DLGAP1: variants seen among roughly 807,000 people sequenced by gnomAD.
DLGAP1 encodes the protein disks large-associated protein 1.
In DLGAP1, 11 loss-of-function variants were observed where a neutral mutation model predicts 90.8. The ratio of observed to expected loss-of-function variants is 0.12; its 90% CI spans 0.08 to 0.20. The LOEUF (loss-of-function observed/expected upper bound fraction) is 0.20. Among genes scored for constraint, DLGAP1 ranks in the 10% least tolerant of loss-of-function variants. The probability of loss-of-function intolerance (pLI) is 1.00; values close to 1 mark genes in which losing one functional copy is unlikely to be tolerated. For missense variants in DLGAP1, 1,050 were observed against 1,333.8 expected, an observed-to-expected ratio of 0.79 and a Z score of 3.31; for synonymous variants, 558 against 540.7, an observed-to-expected ratio of 1.03 and a Z score of -0.44.
chr18:3,557,510 A>G (rs576258106), intron 9 of DLGAP1, among the ~76,000 whole-genome samples: 1 of 152,054 alleles, frequency 6.6e-6, no homozygotes, highest in South Asian at 2.1e-4. Flanking sequence ...TGACAGAGTG[A>G]GATTTCGTCT....
intron 1 of DLGAP1, among the ~76,000 whole-genome samples, chr18:4,449,297 G>T (rs564614274): frequency 5.9e-5 from 9 of 152,282 alleles, no homozygotes; most frequent in Middle Eastern, 3.4e-3. Context: ...AATCCTTATT[G>T]TATTTCAAAA....
chr18:3,659,203 G>A (rs1022849005), intron 7 of DLGAP1, among the ~76,000 whole-genome samples: 3 of 152,058 alleles, frequency 2.0e-5, no homozygotes, highest in Non-Finnish European at 4.4e-5. Flanking sequence ...TGTACAACGA[G>A]TGGGAAAGAT....
At chr18:3,739,543 G>A (rs867276966) in intron 6 of DLGAP1, among the ~76,000 whole-genome samples, 17 of 144,278 alleles carry the variant, frequency 1.2e-4, no homozygotes, top group African/African-American at 3.4e-4. Flanking sequence ...ACCAAACACC[G>A]CATATTCTCA....
intron 1 of DLGAP1, among the ~76,000 whole-genome samples, chr18:4,369,711 G>A (rs2081870459): frequency 6.6e-6 from 1 of 150,532 alleles, no homozygotes; most frequent in African/African-American, 2.4e-5. Flanking sequence ...GGGAATGAGA[G>A]TGTGTGAATG....
At chr18:3,637,578 A>G (rs1351979056) in intron 7 of DLGAP1, among the ~76,000 whole-genome samples, 26 of 130,624 alleles carry the variant, frequency 2.0e-4, no homozygotes, top group African/African-American at 1.0e-3. Flanking sequence ...CCCCACCAAA[A>G]AAAAAAAAAA....
chr18:3,837,665 A>C (rs1340261818), intron 4 of DLGAP1, among the ~76,000 whole-genome samples: 1 of 152,038 alleles, frequency 6.6e-6, no homozygotes, highest in Non-Finnish European at 1.5e-5. Flanking sequence ...CCTGGGCAAC[A>C]TGGTGAAACC....
At chr18:3,657,813 C>T (rs1445990220) in intron 7 of DLGAP1, among the ~76,000 whole-genome samples, 2 of 151,592 alleles carry the variant, frequency 1.3e-5, no homozygotes, top group Non-Finnish European at 2.9e-5. Flanking sequence ...ACCGTGTTAG[C>T]CAGGATGGTC....
chr18:4,436,559 A>C (rs1158117114), intron 1 of DLGAP1, among the ~76,000 whole-genome samples: 1 of 151,868 alleles, frequency 6.6e-6, no homozygotes, highest in East Asian at 1.9e-4. Flanking sequence ...TGCTTTATAA[A>C]CACATTCATG....
intron 1 of DLGAP1, among the ~76,000 whole-genome samples, chr18:4,385,212 C>T (rs2082205785): frequency 6.6e-6 from 1 of 152,144 alleles, no homozygotes; most frequent in Non-Finnish European, 1.5e-5. Flanking sequence ...TATTTTCACT[C>T]TCATTTTCAT....
chr18:3,616,388 C>T (rs547979520), intron 7 of DLGAP1, among the ~76,000 whole-genome samples: 11 of 152,148 alleles, frequency 7.2e-5, no homozygotes, highest in Admixed American at 5.9e-4. Context: ...GAGAGGTGAG[C>T]CCATTCGGTG....
intron 9 of DLGAP1, among the ~76,000 whole-genome samples, chr18:3,548,632 T>C (rs560860333): frequency 3.2e-4 from 49 of 152,248 alleles, no homozygotes; most frequent in African/African-American, 1.0e-3. Flanking sequence ...CTGGGCGTGG[T>C]GGTACACCTC....
chr18:3,974,744 A>G (rs1440573906), intron 3 of DLGAP1, among the ~76,000 whole-genome samples: 1 of 152,208 alleles, frequency 6.6e-6, no homozygotes, highest in Non-Finnish European at 1.5e-5. Flanking sequence ...GAAACAGGGA[A>G]GAGGACAGTA....
intron 7 of DLGAP1, among the ~76,000 whole-genome samples, chr18:3,587,204 G>A (rs137995987): frequency 2.4e-4 from 37 of 152,184 alleles, no homozygotes; most frequent in Non-Finnish European, 1.5e-4. Context: ...ACAGGCCTGC[G>A]CCACCATGCC....
chr18:3,880,324 C>G (rs1568276240), intron 3 of DLGAP1, among the ~76,000 whole-genome samples, 184 bp from the exon 4 acceptor site: 1 of 151,988 alleles, frequency 6.6e-6, no homozygotes, highest in Non-Finnish European at 1.5e-5. Flanking sequence ...GCTAGGACTA[C>G]AGGCAGGCCC....
chr18:3,651,136 G>A lies in DLGAP1; in HGVS notation c.1592-68888C>T, dbSNP rs1387708701. Among the ~76,000 whole-genome samples, 7 of 150,848 alleles carry A rather than the reference G, an allele frequency of 4.6e-5. No homozygotes were observed. The South Asian group carries it at 8.4e-4, about 18-fold the overall frequency. On this transcript the variant is annotated intron_variant, in intron 7 of 12. Coordinates refer to ENST00000315677, the MANE Select transcript of DLGAP1 (RefSeq NM_004746.4). ...AGCACTTTGGGAGGCTGAGGTGGGC[G>A]GATCATGAGGTCAGGAGATCGAGAC...
intron 2 of DLGAP1, among the ~76,000 whole-genome samples, chr18:4,037,404 T>C (rs1329895847): frequency 6.6e-6 from 1 of 152,236 alleles, no homozygotes; most frequent in Non-Finnish European, 1.5e-5. Flanking sequence ...CTTACTTATA[T>C]GTATGTATCA....
At chr18:4,128,250 C>A (rs560032225) in intron 2 of DLGAP1, among the ~76,000 whole-genome samples, 11 of 152,132 alleles carry the variant, frequency 7.2e-5, no homozygotes, top group African/African-American at 2.6e-4. Flanking sequence ...TACAGTATAA[C>A]AATTACTTAC....
At chr18:4,281,009 G>A (rs1236240809) in intron 1 of DLGAP1, 1 of 152,114 alleles carries the variant, frequency 6.6e-6, no homozygotes, top group Non-Finnish European at 1.5e-5. Flanking sequence ...TATAACTTGA[G>A]ATATCCTATG....
At chr18:3,647,302 T>C (rs1006147058) in intron 7 of DLGAP1, among the ~76,000 whole-genome samples, 1 of 144,366 alleles carries the variant, frequency 6.9e-6, no homozygotes, top group African/African-American at 2.6e-5. Flanking sequence ...ATATATATAA[T>C]AACATCAAGC....
Sources: gnomAD v4.1 joint callset for allele counts (sites outside exome capture counted in the v4.1 genomes callset) on GRCh38, gnomAD v4.1.1 for gene constraint, MANE v1.5 for transcripts, NCBI Gene and HGNC (gene_info 2026-07-23, HGNC 2026-07-21) for gene names.